Variants in ADGRV1 observed in about 807,000 individuals in gnomAD.
ADGRV1 encodes the protein G-protein coupled receptor 98.
In ADGRV1, 359 loss-of-function variants were observed where a neutral mutation model predicts 596.2. The observed-to-expected ratio is 0.60, with a 90% CI of 0.55 to 0.66. ADGRV1 has a LOEUF of 0.66. ADGRV1 is among the 30% of genes least tolerant of loss of function. The pLI is 0.00. For synonymous variants in ADGRV1, 2,681 were observed against 2,679.2 expected (o/e 1.00, Z -0.02); for missense variants, 7,274 against 7,575.6 (o/e 0.96, Z 1.48).
chr5:90,993,825 C>T (rs1233895699), intron 85 of ADGRV1, among the ~76,000 whole-genome samples: 2 of 151,608 alleles, frequency 1.3e-5, no homozygotes, highest in African/African-American at 2.4e-5. Flanking sequence ...AATATCCTTT[C>T]TCCTCCTCTC....
chr5:90,919,267 C>G (rs1360810753), intron 83 of ADGRV1, among the ~76,000 whole-genome samples: 1 of 152,122 alleles, frequency 6.6e-6, no homozygotes, highest in African/African-American at 2.4e-5. Flanking sequence ...TCAGCAGCAT[C>G]TATATATTCC....
intron 1 of ADGRV1, among the ~76,000 whole-genome samples, chr5:90,572,697 A>T (rs1756696112): frequency 6.6e-6 from 1 of 152,186 alleles, no homozygotes; most frequent in Admixed American, 6.6e-5. Flanking sequence ...GCTTTGATGG[A>T]TGTAGAGAAA....
chr5:90,999,465 TTAA>T (rs934155036), intron 85 of ADGRV1, among the ~76,000 whole-genome samples: 34 of 151,924 alleles, frequency 2.2e-4, no homozygotes, highest in African/African-American at 8.2e-4. Context: ...ATCAGGAAGA[TTAA>T]TGATTACTTT....
intron 77 of ADGRV1, among the ~76,000 whole-genome samples, chr5:90,838,885 A>G (rs1161827816): frequency 6.6e-6 from 1 of 152,174 alleles, no homozygotes; most frequent in Non-Finnish European, 1.5e-5. Flanking sequence ...AATGAAACAA[A>G]CAAAAAAGTC....
chr5:90,872,996 A>T (rs1453903814), intron 83 of ADGRV1, among the ~76,000 whole-genome samples: 1 of 152,094 alleles, frequency 6.6e-6, no homozygotes, highest in Non-Finnish European at 1.5e-5. Context: ...TGGTTTTTAG[A>T]TTTACATTGA....
chr5:90,638,979 G>A (rs13182944), intron 11 of ADGRV1, among the ~76,000 whole-genome samples: 10,623 of 151,774 alleles, frequency 0.07, 436 homozygotes, highest in Non-Finnish European at 0.092. Context: ...TCAAAACCAC[G>A]TTGTGTTTAC....
intron 82 of ADGRV1, among the ~76,000 whole-genome samples, chr5:90,858,322 A>G (rs1392086754): frequency 1.3e-5 from 2 of 152,172 alleles, no homozygotes; most frequent in Non-Finnish European, 2.9e-5. Flanking sequence ...AAACTTCAGC[A>G]TGGTTTGAGA....
Position 90,653,579 on chromosome 5 carries a change from T to A in ADGRV1, c.4005T>A (p.Gly1335=). ...CTTTGTACTTTACCGGACTAGAGGGTGCATTTGGGACTGTTAATCCAAAAT... is the reference window on the plus strand; with the variant it reads ...CTTTGTACTTTACCGGACTAGAGGGAGCATTTGGGACTGTTAATCCAAAAT... ...TDALYFTGLE[G]AFGTVNPKYH... The change falls in exon 20 of 90, where the codon GGT becomes GGA. Residue 1335 remains glycine (G), a synonymous_variant. Coordinates refer to ENST00000405460, the MANE Select transcript of ADGRV1 (RefSeq NM_032119.4). 3 of 1,613,922 alleles carry A rather than the reference T, an allele frequency of 1.9e-6. No homozygotes were observed. Among genetic ancestry groups the A allele is most frequent in the Non-Finnish European group, 2.5e-6 (3 of 1,179,868 alleles).
chr5:90,798,354 A>ACCCTC (rs1295620609), intron 70 of ADGRV1, among the ~76,000 whole-genome samples: 1 of 151,992 alleles, frequency 6.6e-6, no homozygotes, highest in Non-Finnish European at 1.5e-5. Flanking sequence ...GGACACATAC[A>ACCCTC]CCCTCCCAAG....
chr5:90,856,114 C>T (rs527743384), intron 82 of ADGRV1, among the ~76,000 whole-genome samples: 3 of 152,210 alleles, frequency 2.0e-5, no homozygotes, highest in Admixed American at 6.5e-5. Context: ...AAGAATGAGA[C>T]AGTTTCACCC....
intron 82 of ADGRV1, among the ~76,000 whole-genome samples, chr5:90,856,697 G>A (rs143897212): frequency 1.9e-4 from 29 of 152,254 alleles, no homozygotes; most frequent in African/African-American, 6.7e-4. Context: ...AAACTTTGGA[G>A]CCAGACTGCT....
At chr5:91,050,980 C>G (rs924329526) in intron 85 of ADGRV1, among the ~76,000 whole-genome samples, 2 of 152,208 alleles carry the variant, frequency 1.3e-5, no homozygotes, top group African/African-American at 4.8e-5. Flanking sequence ...CCTGGAGCCT[C>G]GAACATTTTC....
chr5:91,096,435 T>C (rs1365000585), intron 86 of ADGRV1, among the ~76,000 whole-genome samples: 1 of 152,262 alleles, frequency 6.6e-6, no homozygotes, highest in East Asian at 1.9e-4. Flanking sequence ...GAGTAGACTT[T>C]CTTAATGATA....
chr5:90,832,712 T>C (rs1764623584), intron 77 of ADGRV1, among the ~76,000 whole-genome samples: 1 of 152,196 alleles, frequency 6.6e-6, no homozygotes, highest in Admixed American at 6.5e-5. Flanking sequence ...TTGTAGTAGT[T>C]TCTTAGTTTG....
intron 70 of ADGRV1, among the ~76,000 whole-genome samples, chr5:90,797,225 G>A (rs1760825777): frequency 6.9e-6 from 1 of 145,342 alleles, no homozygotes; most frequent in South Asian, 2.2e-4. Context: ...CATCTCATGT[G>A]CAGAGACACA....
rs1248903104 is a variant in ADGRV1 at position 90,690,890 on chromosome 5, A to G, written c.6800A>G (p.Asn2267Ser). Residue 2267 changes from asparagine to serine, a missense_variant, in exon 31 of 90, where the codon AAT becomes AGT. By Grantham distance (46) the Asn-to-Ser change is conservative. Transcript: ENST00000405460. ...PIIRNSGTLGNVTVQWVATIN... is the reference protein window; with the variant it reads ...PIIRNSGTLGSVTVQWVATIN... ...ATTCGAAATTCTGGGACACTCGGCA[A>G]TGTTACTGTTCAGTGGGTTGCCACC... is the stretch of plus-strand genomic sequence containing the variant. 1.9e-6 allele frequency: 3 copies of G among 1,613,674 alleles called. No individual in the cohort carries two copies. The Admixed American group carries it at 5.0e-5, about 27-fold the overall frequency.
At chr5:91,127,558 ATC>A (rs1301127042) in intron 87 of ADGRV1, among the ~76,000 whole-genome samples, 7 of 151,050 alleles carry the variant, frequency 4.6e-5, no homozygotes, top group African/African-American at 1.7e-4. Flanking sequence ...AAAAAAAAAA[ATC>A]TTACTAGAGA....
intron 44 of ADGRV1, 43 bp from the exon 45 acceptor site, chr5:90,720,892 T>C: frequency 1.3e-6 from 2 of 1,553,352 alleles, no homozygotes; most frequent in South Asian, 1.2e-5. Context: ...ATATGTAGAA[T>C]GTATACTTTT....
In ADGRV1 at chr5:90,840,915, C is replaced by T. The variant is rs61748627; in HGVS notation, c.16949C>T (p.Thr5650Ile). Residue 5650 changes from threonine to isoleucine, a missense_variant, in exon 78 of 90, where the codon ACC becomes ATC. Thr to Ile is a moderately conservative substitution (Grantham distance 89). Transcript: ENST00000405460. ...GATATTCTCAACAGAGTGCTCCATA[C>T]CATCAGCATGAAAGTGGCCACAGAA... ...NDDILNRVLH[T>I]ISMKVATENT... 1.9e-6 allele frequency: 3 copies of T among 1,545,104 alleles called. No homozygotes were observed. Among genetic ancestry groups the T allele is most frequent in the African/African-American group, 2.7e-5 (2 of 73,472 alleles).
Sources: allele counts gnomAD v4.1 joint callset (sites outside exome capture counted in the v4.1 genomes callset), GRCh38; gene constraint gnomAD v4.1.1; transcripts MANE v1.5; gene names NCBI Gene and HGNC (gene_info 2026-07-23, HGNC 2026-07-21).